KSR1: variants seen among roughly 807,000 people sequenced by gnomAD.
KSR1 encodes kinase suppressor of ras.
A neutral mutation model predicts 92.9 loss-of-function variants in KSR1; 35 were observed. That is an observed-to-expected ratio of 0.38 (90% CI 0.29 to 0.50). The LOEUF (loss-of-function observed/expected upper bound fraction) is 0.50. Among genes scored for constraint, KSR1 ranks in the 20% least tolerant of loss-of-function variants. KSR1 has a pLI of 0.94. For missense variants in KSR1, 972 were observed against 1,158.5 expected, an observed-to-expected ratio of 0.84 and a Z score of 2.34; for synonymous variants, 467 against 472.6, an observed-to-expected ratio of 0.99 and a Z score of 0.15.
chr17:27,489,250 TGGA>T (rs1703830373), intron 1 of KSR1, among the ~76,000 whole-genome samples: 3 of 152,344 alleles, frequency 2.0e-5, no homozygotes, highest in Admixed American at 2.0e-4. Flanking sequence ...ATGCAGGGTG[TGGA>T]GAAGTATGCT....
At chr17:27,464,293 C>T (rs1220574664) in intron 1 of KSR1, among the ~76,000 whole-genome samples, 5 of 152,228 alleles carry the variant, frequency 3.3e-5, no homozygotes, top group Admixed American at 1.3e-4. Flanking sequence ...GAAGGTCAGT[C>T]TGCTCAGTGG....
intron 1 of KSR1, among the ~76,000 whole-genome samples, chr17:27,503,133 G>T (rs1310630564): frequency 2.0e-5 from 3 of 152,160 alleles, no homozygotes; most frequent in Non-Finnish European, 4.4e-5. Flanking sequence ...TTTTGAGGGA[G>T]GAGGGTGATG....
At chr17:27,506,759 G>A (rs117867046) in intron 1 of KSR1, among the ~76,000 whole-genome samples, 2,513 of 144,826 alleles carry the variant, frequency 0.017, 38 homozygotes, top group East Asian at 0.047. Flanking sequence ...TTTGGGCTCC[G>A]CAGGTGTCAT....
rs1022071206 is a variant in KSR1 at position 27,464,268 on chromosome 17, G to T, written c.231+7394G>T. Among the ~76,000 whole-genome samples, 3 of 152,148 alleles carry T rather than the reference G, an allele frequency of 2.0e-5. No homozygotes were observed. The East Asian group carries it at 5.8e-4, about 29-fold the overall frequency. ...TGGAGCGCCATCTGGGGTATGTCAC[G>T]GGTGGACCTTTTTTGAAGGTCAGTC... On this transcript the variant is annotated intron_variant, in intron 1 of 20. Coordinates refer to ENST00000644974, the MANE Select transcript of KSR1 (RefSeq NM_001394583.1).
chr17:27,519,863 T>TG lies in KSR1; in HGVS notation c.232-30702dup, dbSNP rs1325639425. 6.6e-5 allele frequency among the ~76,000 whole-genome samples: 10 copies of TG among 152,158 alleles called. No homozygotes were observed. The East Asian group carries it at 1.9e-3, about 29-fold the overall frequency. Reference sequence around the variant, plus strand: ...CCCACCACCTGAGAGCTGTGAGCTTTGGGAGGAGCTCTTCATCCAGCCCAG... The same window carrying TG: ...CCCACCACCTGAGAGCTGTGAGCTTTGGGGAGGAGCTCTTCATCCAGCCCAG... On this transcript the variant is annotated intron_variant, in intron 1 of 20. Transcript: ENST00000644974.
intron 1 of KSR1, among the ~76,000 whole-genome samples, chr17:27,504,845 G>A (rs1011536050): frequency 6.6e-6 from 1 of 152,190 alleles, no homozygotes; most frequent in African/African-American, 2.4e-5. Context: ...CCAGGAGCCG[G>A]CTTATCCTGG....
intron 1 of KSR1, among the ~76,000 whole-genome samples, chr17:27,525,105 C>T (rs966957287): frequency 6.6e-6 from 1 of 152,236 alleles, no homozygotes; most frequent in Non-Finnish European, 1.5e-5. Context: ...CATTAATTTG[C>T]AGGCCACTTA....
intron 1 of KSR1, among the ~76,000 whole-genome samples, chr17:27,532,020 T>G (rs1004665298): frequency 6.6e-6 from 1 of 152,098 alleles, no homozygotes; most frequent in African/African-American, 2.4e-5. Context: ...GTCCTGGCAC[T>G]GCCTTCTACT....
chr17:27,556,114 A>C (rs1463643538), intron 2 of KSR1, among the ~76,000 whole-genome samples: 1 of 152,228 alleles, frequency 6.6e-6, no homozygotes, highest in Non-Finnish European at 1.5e-5. Context: ...TTCTACAGGG[A>C]AAAAAACCTA....
At chr17:27,527,387 A>AACCCCCCCCC (rs1567794396) in intron 1 of KSR1, among the ~76,000 whole-genome samples, 1 of 13,238 alleles carries the variant, frequency 7.6e-5, no homozygotes, top group Non-Finnish European at 1.6e-4. Flanking sequence ...GCAGTGGCAC[A>AACCCCCCCCC]CCCGCCCCCC....
At chr17:27,587,284 T>C (rs16966322) in intron 5 of KSR1, 22,682 of 152,202 alleles carry the variant, frequency 0.15, 1,868 homozygotes, top group Admixed American at 0.23. Context: ...GCGGGTGAGA[T>C]AGATTGTTCC....
intron 9 of KSR1, 143 bp from the exon 10 acceptor site, chr17:27,597,125 A>T: frequency 1.1e-6 from 1 of 908,186 alleles, no homozygotes; most frequent in Non-Finnish European, 1.7e-6. Context: ...CCCTTCCTCA[A>T]ATGTTAGATG....
intron 2 of KSR1, among the ~76,000 whole-genome samples, chr17:27,560,974 A>C (rs1439386055): frequency 1.3e-5 from 2 of 152,166 alleles, no homozygotes; most frequent in East Asian, 3.8e-4. Context: ...ACAGCTCTCC[A>C]CTTAGGATGG....
At chr17:27,584,696 C>G (rs1355503426) in intron 4 of KSR1, among the ~76,000 whole-genome samples, 1 of 152,192 alleles carries the variant, frequency 6.6e-6, no homozygotes. Context: ...CCCTGGGATT[C>G]TGAGTCCAGT....
chr17:27,576,629 C>T (rs995128116), intron 2 of KSR1, among the ~76,000 whole-genome samples: 12 of 151,994 alleles, frequency 7.9e-5, no homozygotes, highest in Non-Finnish European at 1.6e-4. Flanking sequence ...AGTGTGGAGA[C>T]GCTGGACAAA....
chr17:27,601,119 G>A (rs2073540465), intron 10 of KSR1, among the ~76,000 whole-genome samples: 1 of 152,210 alleles, frequency 6.6e-6, no homozygotes, highest in Non-Finnish European at 1.5e-5. Context: ...CGGGGTCTTG[G>A]AATGCCCAAT....
At chr17:27,528,116 A>G (rs1174652015) in intron 1 of KSR1, among the ~76,000 whole-genome samples, 1 of 152,152 alleles carries the variant, frequency 6.6e-6, no homozygotes, top group East Asian at 1.9e-4. Flanking sequence ...CCGAGGCTGG[A>G]GTGCAGTGGT....
At chr17:27,601,464 T>C in intron 11 of KSR1, 63 bp downstream of exon 11, 10 of 1,434,738 alleles carry the variant, frequency 7.0e-6, no homozygotes, top group Non-Finnish European at 9.8e-6. Context: ...CCTGCCCACC[T>C]GGGCAGGGCG....
At chr17:27,484,800 G>A (rs2068616321) in intron 1 of KSR1, among the ~76,000 whole-genome samples, 1 of 152,230 alleles carries the variant, frequency 6.6e-6, no homozygotes, top group African/African-American at 2.4e-5. Flanking sequence ...GAAGAGCACG[G>A]AGGATGCTCC....
Sources: allele counts gnomAD v4.1 joint callset (sites outside exome capture counted in the v4.1 genomes callset), GRCh38; gene constraint gnomAD v4.1.1; transcripts MANE v1.5; gene names NCBI Gene and HGNC (gene_info 2026-07-23, HGNC 2026-07-21).